KLC2: variants seen among roughly 807,000 people sequenced by gnomAD.
The protein encoded by KLC2 is KLC 2.
KLC2 carries 35 observed loss-of-function variants against 75.1 expected under a neutral mutation model. The ratio of observed to expected loss-of-function variants is 0.47; its 90% confidence interval spans 0.36 to 0.62. The LOEUF is 0.62. Among genes scored for constraint, KLC2 ranks in the 20% least tolerant of loss-of-function variants. The pLI is 0.00. For missense variants in KLC2, 611 were observed against 833.2 expected (o/e 0.73, Z 3.28); for synonymous variants, 314 against 336.7 (o/e 0.93, Z 0.74).
intron 2 of KLC2, chr11:66,261,123 G>C (rs929277564): frequency 1.3e-5 from 2 of 152,178 alleles, no homozygotes; most frequent in African/African-American, 4.8e-5. Context: ...CAGGAAGGCA[G>C]GAAGAGACTG....
chr11:66,258,277 G>C (rs1856149409), intron 1 of KLC2: 2 of 360,650 alleles, frequency 5.5e-6, no homozygotes, highest in Admixed American at 4.4e-5. Context: ...GAGCCCCCAC[G>C]TTCCCCATAC....
upstream of KLC2, chr11:66,257,350 G>A (rs901933200): frequency 6.6e-6 from 1 of 152,230 alleles, no homozygotes; most frequent in South Asian, 2.1e-4. Context: ...TTAAGTCAAT[G>A]AACCCAGGGC....
upstream of KLC2, among the ~76,000 whole-genome samples, chr11:66,252,695 C>T (rs542531502): frequency 2.6e-5 from 4 of 152,184 alleles, no homozygotes; most frequent in Non-Finnish European, 5.9e-5. Context: ...AATGGAGAAA[C>T]GCGGCTTTGA....
Position 66,265,255 on chromosome 11 carries a change from G to C in KLC2, c.1334+20G>C, listed in dbSNP as rs1335331963. 3 of 1,510,330 alleles carry C rather than the reference G, an allele frequency of 2.0e-6. No homozygotes were observed. Among genetic ancestry groups the C allele is most frequent in the African/African-American group, 1.4e-5 (1 of 73,460 alleles). The allele number at this position is 1,510,330 out of a possible 1,614,324, so 93.6% of individuals were successfully genotyped here. ...AGACAGGTGAGTGGGGCGGGGCTGG[G>C]CTGGGGAGCAGGGCACGGCAGGGCG... On this transcript the variant is annotated intron_variant, in intron 11 of 15. Transcript: ENST00000394067.
chr11:66,253,011 T>C, upstream of KLC2, among the ~76,000 whole-genome samples: 1 of 145,722 alleles, frequency 6.9e-6, no homozygotes, highest in African/African-American at 2.7e-5. Flanking sequence ...CTGACTTTTT[T>C]TTTTTTTTTT....
At chr11:66,252,419 A>T (rs896236595), upstream of KLC2, among the ~76,000 whole-genome samples, 3 of 137,396 alleles carry the variant, frequency 2.2e-5, no homozygotes, top group East Asian at 1.9e-4. Context: ...CCGAGCCACC[A>T]TGCCCGGCTA....
rs11554294 is a variant in KLC2 at position 66,261,842 on chromosome 11, G to T, written c.329G>T (p.Arg110Leu). 6.2e-7 allele frequency: 1 copy of T among 1,613,878 alleles called. No individual in the cohort carries two copies. Among genetic ancestry groups the T allele is most frequent in the Non-Finnish European group, 8.5e-7 (1 of 1,179,984 alleles). ...RRLVQENQWLREELAGTQQKL... is the reference protein window; with the variant it reads ...RRLVQENQWLLEELAGTQQKL... ...CTGGTGCAGGAGAACCAGTGGCTGC[G>T]TGAGGAGCTGGCGGGGACACAGCAG... Residue 110 changes from arginine to leucine, a missense_variant, in exon 3 of 16, where the codon CGT (arginine) becomes CTT (leucine). Physicochemically the swap from Arg to Leu is moderately radical, Grantham distance 102. Coordinates refer to ENST00000394067, the MANE Select transcript of KLC2 (RefSeq NM_001318734.2).
rs1856173176 is a variant in KLC2, at chr11:66,258,582, A to G, written c.-11-2A>G. The stretch of plus-strand genomic sequence containing the variant: ...CGCCTGCCCGCACCCTCGTCCTCAC[A>G]GACGCCACAGCCATGGCCATGATGG... On this transcript the variant is annotated splice_acceptor_variant, in intron 1 of 15. Transcript: ENST00000394067. LOFTEE classifies it low-confidence loss of function (5UTR_SPLICE). 6.3e-7 allele frequency: 1 copy of G among 1,597,124 alleles called. No homozygotes were observed.
Position 66,262,170 on chromosome 11 carries a change from C to T in KLC2, c.507C>T (p.Pro169=), listed in dbSNP as rs149131871. The T allele has an allele frequency of 4.3e-5, 69 of 1,613,232 alleles. No individual in the cohort carries two copies. Among genetic ancestry groups the T allele is most frequent in the Non-Finnish European group, 2.8e-5 (33 of 1,179,944 alleles). ...VPKDTLDDLF[P]NEDEQSPAPS... ...AAGACACACTGGATGACCTGTTCCC[C>T]AATGAGGATGAGCAGAGCCCAGGTG... The change falls in exon 4 of 16, where the codon CCC becomes CCT. Residue 169 remains proline (P), a synonymous_variant. Transcript: ENST00000394067.
rs1856548508 is a variant in KLC2 at position 66,263,023 on chromosome 11, G to A, written c.739G>A (p.Ala247Thr). Residue 247 changes from alanine to threonine, a missense_variant, in exon 5 of 16, where the codon GCA (alanine) becomes ACA (threonine). Transcript: ENST00000394067. ...PDVATMLNIL[A>T]LVYRDQNKYK... ...CGTTGCCACCATGCTGAACATCCTG[G>A]CACTGGTCTATCGGTGAGGACTCTC... 1 of 1,613,592 alleles carries A rather than the reference G, an allele frequency of 6.2e-7. No homozygotes were observed.
chr11:66,263,615 C>T (rs1386383108), intron 5 of KLC2, 45 bp from the exon 6 acceptor site: 2 of 1,376,016 alleles, frequency 1.5e-6, no homozygotes, highest in Non-Finnish European at 1.0e-6. Context: ...TGGGGAGGGC[C>T]TTGAGCTGGA....
Position 66,265,864 on chromosome 11 carries a change from C to G in KLC2, c.1454C>G (p.Pro485Arg). ...ASRNRKQGLD[P>R]ASQTKVVELL... is the part of the protein sequence containing the mutation. ...CTGCCCCTCCCTCAGGGTTTGGACC[C>G]CGCAAGCCAGACCAAGGTGGTAGAA... Residue 485 changes from proline (P) to arginine (R), a missense_variant, in exon 13 of 16, where the codon CCC becomes CGC. Coordinates refer to ENST00000394067, the MANE Select transcript of KLC2 (RefSeq NM_001318734.2). 7.0e-6 allele frequency: 11 copies of G among 1,575,630 alleles called. No individual in the cohort carries two copies. Among genetic ancestry groups the G allele is most frequent in the Non-Finnish European group, 9.5e-6 (11 of 1,156,802 alleles).
At chr11:66,263,075 G>A (rs781006900) in intron 5 of KLC2, 39 bp downstream of exon 5, 1 of 1,495,118 alleles carries the variant, frequency 6.7e-7, no homozygotes, top group Non-Finnish European at 9.3e-7. Flanking sequence ...CTTCTGGAAG[G>A]CTCCAGCCCT....
intron 14 of KLC2, 36 bp downstream of exon 14, chr11:66,266,253 C>G: frequency 6.4e-6 from 10 of 1,571,876 alleles, no homozygotes; most frequent in Non-Finnish European, 8.6e-6. Flanking sequence ...CAAGAACCAC[C>G]CAGCAACCCC....
chr11:66,250,891 G>A, the KLC2 span, among the ~76,000 whole-genome samples: 1 of 152,220 alleles, frequency 6.6e-6, no homozygotes, highest in African/African-American at 2.4e-5. Context: ...GAGGAACCTC[G>A]TAGCTGTTAC....
In KLC2 at chr11:66,263,916, G is replaced by A. The variant is rs1856616701; in HGVS notation, c.906G>A (p.Glu302=). The change falls in exon 7 of 16, where the codon GAG becomes GAA. Residue 302 remains glutamate (E), a synonymous_variant. Coordinates refer to ENST00000394067, the MANE Select transcript of KLC2 (RefSeq NM_001318734.2). ...YGKRGKYKEA[E]PLCKRALEIR... is the part of the protein sequence containing the mutation. ...AGAGGGGCAAGTACAAGGAGGCTGA[G>A]CCATTGTGCAAGCGGGCACTGGAGA... The A allele has an allele frequency of 6.2e-7, 1 of 1,614,212 alleles. No individual in the cohort carries two copies. The highest frequency in any genetic ancestry group is 8.5e-7 in the Non-Finnish European group (1 of 1,180,028).
chr11:66,248,481 G>A, the KLC2 span, among the ~76,000 whole-genome samples: 2 of 152,050 alleles, frequency 1.3e-5, no homozygotes, highest in Non-Finnish European at 2.9e-5. Context: ...TTAGCCAGGC[G>A]TGGTGGGCAC....
chr11:66,266,801 G>A, intron 15 of KLC2, 72 bp from the exon 16 acceptor site: 1 of 1,509,392 alleles, frequency 6.6e-7, no homozygotes, highest in East Asian at 2.3e-5. Flanking sequence ...TGCCAGGTCA[G>A]ACCCCTTCAG....
At chr11:66,251,635 G>C in the KLC2 span, among the ~76,000 whole-genome samples, 3 of 151,900 alleles carry the variant, frequency 2.0e-5, no homozygotes, top group Non-Finnish European at 4.4e-5. Context: ...AGCCAGGCAT[G>C]GTGGCGCATG....
Sources: allele counts gnomAD v4.1 joint callset (sites outside exome capture counted in the v4.1 genomes callset), GRCh38; gene constraint gnomAD v4.1.1; transcripts MANE v1.5; gene names NCBI Gene and HGNC (gene_info 2026-07-23, HGNC 2026-07-21).